CAGE1: variants seen among roughly 807,000 people sequenced by gnomAD.
CAGE1 encodes the protein cancer-associated gene 1 protein.
A neutral mutation model predicts 94.9 loss-of-function variants in CAGE1; 66 were observed. The ratio of observed to expected loss-of-function variants is 0.70; its 90% confidence interval spans 0.57 to 0.85. CAGE1 has a LOEUF of 0.85. Among genes scored for constraint, CAGE1 ranks in the 40% least tolerant of loss-of-function variants. CAGE1 has a pLI of 0.00. For missense variants in CAGE1, 865 were observed against 950.4 expected (o/e 0.91, Z 1.18); for synonymous variants, 319 against 321.0 (o/e 0.99, Z 0.07).
rs540278811 is a variant in CAGE1 at position 7,355,112 on chromosome 6, C to G, written c.2299-1G>C. 1 of 1,592,408 alleles carries G rather than the reference C, an allele frequency of 6.3e-7. No homozygotes were observed. The highest frequency in any genetic ancestry group is 2.2e-5 in the East Asian group (1 of 44,572). ...CAATGATTTCTTCATATGATGTAAC[C>G]TTGAAAAAAATAAGCTAAACCAATT... On this transcript the variant is annotated splice_acceptor_variant, in intron 10 of 13. Coordinates refer to ENST00000502583, the MANE Select transcript of CAGE1 (RefSeq NM_001170692.2). LOFTEE classifies it high-confidence loss of function.
chr6:7,364,317 C>T (rs894173698), intron 9 of CAGE1, among the ~76,000 whole-genome samples: 2 of 152,326 alleles, frequency 1.3e-5, no homozygotes, highest in Admixed American at 6.5e-5. Flanking sequence ...TAAAAACTTT[C>T]CCTTTCCTTC....
intron 11 of CAGE1, among the ~76,000 whole-genome samples, chr6:7,345,428 T>C (rs1440212267): frequency 6.6e-6 from 1 of 152,062 alleles, no homozygotes; most frequent in Non-Finnish European, 1.5e-5. Context: ...ACTGCAGGGG[T>C]CTGTGGTTTC....
intron 9 of CAGE1, among the ~76,000 whole-genome samples, chr6:7,360,175 A>G (rs940462021): frequency 5.9e-5 from 9 of 152,270 alleles, no homozygotes; most frequent in African/African-American, 2.2e-4. Flanking sequence ...ACCCACCCTG[A>G]CAATCCAGGA....
chr6:7,345,276 C>T (rs544341488), intron 11 of CAGE1, among the ~76,000 whole-genome samples: 34 of 152,298 alleles, frequency 2.2e-4, no homozygotes, highest in South Asian at 4.1e-4. Context: ...TTAAGAGTTG[C>T]AGCACTGACT....
chr6:7,328,749 G>C (rs867279894), intron 13 of CAGE1, among the ~76,000 whole-genome samples: 1 of 151,904 alleles, frequency 6.6e-6, no homozygotes, highest in Admixed American at 6.6e-5. Context: ...AGCTAGAAGA[G>C]AGGATTTTGA....
In CAGE1 at chr6:7,345,937, A is replaced by C. The variant is rs910177167; in HGVS notation, c.2369+9104T>G. Among the ~76,000 whole-genome samples the C allele has an allele frequency of 3.3e-5, 5 of 152,136 alleles. No individual in the cohort carries two copies. In the South Asian group the frequency reaches 8.3e-4, roughly 25 times the overall value. On this transcript the variant is annotated intron_variant, in intron 11 of 13. Coordinates refer to ENST00000502583, the MANE Select transcript of CAGE1 (RefSeq NM_001170692.2). ...GAGAGTCCATCTCAAAAAAAGAAAA[A>C]TTACAGTATAGCCTATGAATGCATT...
At chr6:7,352,268 T>C (rs1759796884) in intron 11 of CAGE1, among the ~76,000 whole-genome samples, 3 of 90,108 alleles carry the variant, frequency 3.3e-5, no homozygotes, top group African/African-American at 1.3e-4. Flanking sequence ...AATCAAGAAC[T>C]CAAGCCTTTT....
chr6:7,339,334 A>G lies in CAGE1; in HGVS notation c.2370-5244T>C. 1 of 1,605,296 alleles carries G rather than the reference A, an allele frequency of 6.2e-7. No homozygotes were observed. The highest frequency in any genetic ancestry group is 8.5e-7 in the Non-Finnish European group (1 of 1,172,546). ...TAAAGCTCTACACTGCCCTCTGGAG[A>G]GCCAAACCTCTTCTGAACTACAGCA... On this transcript the variant is annotated intron_variant, in intron 11 of 13. Transcript: ENST00000502583. This position sits in a 1 kb window ranked among gnomAD's most constrained non-coding sequence, Gnocchi z 4.7.
At chr6:7,365,756 T>C (rs1320062969) in intron 8 of CAGE1, 48 bp downstream of exon 8, 1 of 1,353,958 alleles carries the variant, frequency 7.4e-7, no homozygotes, top group South Asian at 1.3e-5. Context: ...ATACCTGAAA[T>C]TGTATATTTT....
chr6:7,342,654 C>T (rs1349443956), intron 11 of CAGE1, among the ~76,000 whole-genome samples: 4 of 152,200 alleles, frequency 2.6e-5, no homozygotes, highest in African/African-American at 4.8e-5. Flanking sequence ...CCCTTCTCCT[C>T]AATGAATGTG....
chr6:7,373,723 C>T lies in CAGE1; in HGVS notation c.1096G>A (p.Glu366Lys), dbSNP rs1235276350. The change falls in exon 5 of 14, where the codon GAA (glutamate) becomes AAA (lysine). Residue 366 changes from glutamate to lysine, a missense_variant. Physicochemically the swap from Glu to Lys is moderately conservative, Grantham distance 56 (BLOSUM62 1). Transcript: ENST00000502583. ...TCTAGGATTATTTTGTATTTGTCTT[C>T]AATTAATTCTTCAACATTCTCCTTT... ...KLKENVEELI[E>K]DKYKIILEKN... is the part of the protein sequence containing the mutation. 6.2e-7 allele frequency: 1 copy of T among 1,612,466 alleles called. No individual in the cohort carries two copies. The highest frequency in any genetic ancestry group is 8.5e-7 in the Non-Finnish European group (1 of 1,178,940).
At chr6:7,386,069 A>G (rs151125566) in intron 2 of CAGE1, among the ~76,000 whole-genome samples, 197 bp from the exon 3 acceptor site, 14 of 152,354 alleles carry the variant, frequency 9.2e-5, no homozygotes, top group Admixed American at 3.3e-4. Flanking sequence ...ATATTAAACA[A>G]CAATGTAACA....
At chr6:7,345,613 T>TATG (rs1640947314) in intron 11 of CAGE1, among the ~76,000 whole-genome samples, 1 of 152,196 alleles carries the variant, frequency 6.6e-6, no homozygotes, top group Admixed American at 6.5e-5. Flanking sequence ...CAGCTGTTTC[T>TATG]AACGTCTAAG....
chr6:7,366,725 G>A (rs1222008917), intron 7 of CAGE1, among the ~76,000 whole-genome samples: 1 of 152,040 alleles, frequency 6.6e-6, no homozygotes, highest in Admixed American at 6.6e-5. Context: ...CGATGCCCCT[G>A]TGCCTTTCCC....
At chr6:7,349,791 G>C (rs1014509756) in intron 11 of CAGE1, among the ~76,000 whole-genome samples, 2 of 152,016 alleles carry the variant, frequency 1.3e-5, no homozygotes, top group Non-Finnish European at 2.9e-5. Context: ...AATTAGCCAG[G>C]TGTGGTGGTG....
intron 13 of CAGE1, among the ~76,000 whole-genome samples, chr6:7,327,650 G>T (rs1758580694): frequency 6.6e-6 from 1 of 152,138 alleles, no homozygotes; most frequent in South Asian, 2.1e-4. Flanking sequence ...GATAGTATTG[G>T]CTGAGCGCGG....
chr6:7,335,352 G>A (rs1284798929), intron 11 of CAGE1, among the ~76,000 whole-genome samples: 1 of 152,160 alleles, frequency 6.6e-6, no homozygotes, highest in East Asian at 1.9e-4. Flanking sequence ...AGGATAAATA[G>A]ACCTGAGAGG....
At position 7,334,051 on chromosome 6, in the gene CAGE1, T is replaced by C; in HGVS notation, c.2409A>G (p.Arg803=). The C allele has an allele frequency of 6.5e-7, 1 of 1,536,438 alleles. No individual in the cohort carries two copies. The highest frequency in any genetic ancestry group is 8.8e-7 in the Non-Finnish European group (1 of 1,134,524). The change falls in exon 12 of 14, where the codon AGA becomes AGG. Residue 803 remains arginine, a synonymous_variant. Transcript: ENST00000502583. Reference sequence around the variant, plus strand: ...GTTTTCTGGCTTTTTCTCTGGGCTTTCTAATTAAATCCTCTAAATGTTTAT... The same window carrying C: ...GTTTTCTGGCTTTTTCTCTGGGCTTCCTAATTAAATCCTCTAAATGTTTAT... The part of the protein sequence containing the change: ...ERNKHLEDLI[R]KPREKARKPR...
intron 12 of CAGE1, among the ~76,000 whole-genome samples, chr6:7,332,324 C>T (rs867911403): frequency 1.6e-4 from 25 of 152,250 alleles, no homozygotes; most frequent in Admixed American, 6.5e-4. Context: ...CCTGCAGTTC[C>T]CAGGACCTAC....
Sources: gnomAD v4.1 joint callset for allele counts (sites outside exome capture counted in the v4.1 genomes callset) on GRCh38, gnomAD v4.1.1 for gene constraint, Gnocchi (gnomAD v3.1) non-coding constraint, MANE v1.5 for transcripts, NCBI Gene and HGNC (gene_info 2026-07-23, HGNC 2026-07-21) for gene names.